The following FIG4 variants were observed in gnomAD, a reference collection of about 807,000 sequenced individuals.
FIG4 encodes the protein polyphosphoinositide phosphatase.
Under a neutral mutation model 118.6 loss-of-function variants are expected in FIG4, and 112 were observed. The ratio of observed to expected loss-of-function variants is 0.94; its 90% confidence interval spans 0.81 to 1.11. The LOEUF (loss-of-function observed/expected upper bound fraction) is 1.11. Among genes scored for constraint, FIG4 ranks in the 50% least tolerant of loss-of-function variants. The probability of loss-of-function intolerance (pLI) is 0.00; values close to 1 mark genes in which losing one functional copy is unlikely to be tolerated. For synonymous variants in FIG4, 369 were observed against 381.2 expected (o/e 0.97, Z 0.37); for missense variants, 969 against 1,111.7 (o/e 0.87, Z 1.83).
intron 16 of FIG4, among the ~76,000 whole-genome samples, chr6:109,779,103 G>A (rs1005982074): frequency 3.3e-5 from 5 of 151,986 alleles, no homozygotes; most frequent in African/African-American, 7.2e-5. Context: ...TTATTTACAT[G>A]AATTTTTGCT....
intron 18 of FIG4, 69 bp downstream of exon 18, chr6:109,786,518 T>G (rs1343703282): frequency 1.7e-5 from 26 of 1,558,468 alleles, no homozygotes; most frequent in Non-Finnish European, 2.2e-5. Flanking sequence ...TATATATATG[T>G]CTGTCTTTAC....
intron 15 of FIG4, 37 bp from the exon 16 acceptor site, chr6:109,776,885 G>A: frequency 6.6e-7 from 1 of 1,506,040 alleles, no homozygotes; most frequent in Non-Finnish European, 9.2e-7. Context: ...ATATCCATCA[G>A]TAATGGATTT....
chr6:109,696,727 G>A (rs1438387021), intron 1 of FIG4, among the ~76,000 whole-genome samples: 2 of 152,166 alleles, frequency 1.3e-5, no homozygotes, highest in Non-Finnish European at 2.9e-5. Context: ...GTGGTTATTC[G>A]AGGGTAGGAA....
In FIG4 at chr6:109,743,156, C is replaced by T. The variant is rs180689715; in HGVS notation, c.923C>T (p.Ala308Val). The T allele has an allele frequency of 2.5e-5, 41 of 1,612,916 alleles. No individual in the cohort carries two copies. In the East Asian group the frequency reaches 8.5e-4, roughly 33 times the overall value. ...EVETEQILCDASVMSFTAGSY... is the reference protein window; with the variant it reads ...EVETEQILCDVSVMSFTAGSY... ...GAGACTGAACAAATACTCTGCGATG[C>T]TTCTGTGATGTCTTTCACTGCAGGA... The change falls in exon 9 of 23, where the codon GCT becomes GTT. Residue 308 changes from alanine to valine, a missense_variant. Coordinates refer to ENST00000230124, the MANE Select transcript of FIG4 (RefSeq NM_014845.6).
At position 109,763,991 on chromosome 6, in the gene FIG4, A is replaced by C. The variant is rs745935495; in HGVS notation, c.1434+9A>C. 6.4e-7 allele frequency: 1 copy of C among 1,571,208 alleles called. No homozygotes were observed. The highest frequency in any genetic ancestry group is 2.2e-5 in the East Asian group (1 of 44,692). ...CCACTGGTCGCCTGCAGGTATACAC[A>C]GTATTACAATTCGTAATGAATAGAA... is the stretch of plus-strand genomic sequence containing the variant. On this transcript the variant is annotated intron_variant, in intron 13 of 22. Coordinates refer to ENST00000230124, the MANE Select transcript of FIG4 (RefSeq NM_014845.6).
rs1362404446 is a variant in FIG4, at chr6:109,735,011, T to C, written c.498-139T>C. ...ATATTTTGCTGTGTTTTACAGTGCTTATTTGAATAGCATTGCTTCCAAATA... is the reference window on the plus strand; with the variant it reads ...ATATTTTGCTGTGTTTTACAGTGCTCATTTGAATAGCATTGCTTCCAAATA... On this transcript the variant is annotated intron_variant, in intron 5 of 22. Coordinates refer to ENST00000230124, the MANE Select transcript of FIG4 (RefSeq NM_014845.6). 2.4e-5 allele frequency: 18 copies of C among 748,948 alleles called. No individual in the cohort carries two copies. The East Asian group carries it at 4.2e-4, about 17-fold the overall frequency. The allele number at this position is 748,948 out of a possible 1,614,324, so 46.4% of individuals were successfully genotyped here.
At position 109,825,340 on chromosome 6, in the gene FIG4, T is replaced by G. The variant is rs1779130634; in HGVS notation, c.*75T>G. The G allele has an allele frequency of 5.1e-6, 7 of 1,384,110 alleles. No homozygotes were observed. The highest frequency in any genetic ancestry group is 7.2e-6 in the Non-Finnish European group (7 of 976,800). The allele number at this position is 1,384,110 out of a possible 1,614,324, so 85.7% of individuals were successfully genotyped here. A position where few individuals can be genotyped will look rare whatever the true frequency, so the allele number is the denominator to read the frequency against. On this transcript the variant is annotated 3_prime_UTR_variant, in exon 23 of 23. Transcript: ENST00000230124. ...TCTTGTCTCATCTTCAAAAGGTAAC[T>G]TATTAAAAGTCCTTTGCGTCTGAAG...
At chr6:109,822,759 AAGTG>A (rs1779038561) in intron 22 of FIG4, among the ~76,000 whole-genome samples, 1 of 140,502 alleles carries the variant, frequency 7.1e-6, no homozygotes, top group Non-Finnish European at 1.5e-5. Flanking sequence ...GGGATGGTTG[AAGTG>A]TATATATATG....
At chr6:109,735,735 T>C (rs1209468117) in intron 6 of FIG4, among the ~76,000 whole-genome samples, 1 of 152,128 alleles carries the variant, frequency 6.6e-6, no homozygotes, top group African/African-American at 2.4e-5. Flanking sequence ...ACATGTAATA[T>C]CTCTAATCCT....
intron 1 of FIG4, among the ~76,000 whole-genome samples, chr6:109,713,167 A>G (rs781365547): frequency 4.6e-5 from 7 of 152,200 alleles, no homozygotes; most frequent in Non-Finnish European, 8.8e-5. Flanking sequence ...TGTCAGCCAA[A>G]GCATTTCATG....
At chr6:109,772,072 G>A (rs754956805) in intron 15 of FIG4, among the ~76,000 whole-genome samples, 15 of 152,084 alleles carry the variant, frequency 9.9e-5, no homozygotes, top group African/African-American at 1.7e-4. Flanking sequence ...CCATGACACC[G>A]AAACTGTACT....
intron 4 of FIG4, 113 bp downstream of exon 4, chr6:109,727,378 T>G: frequency 1.2e-6 from 1 of 838,726 alleles, no homozygotes; most frequent in Non-Finnish European, 2.0e-6. Flanking sequence ...AGCCTTGGCC[T>G]CCCAGGCTCA....
At chr6:109,787,554 C>T (rs1414831920) in intron 18 of FIG4, among the ~76,000 whole-genome samples, 1 of 152,172 alleles carries the variant, frequency 6.6e-6, no homozygotes, top group African/African-American at 2.4e-5. Flanking sequence ...TATAAACCCT[C>T]ACTTCACATC....
chr6:109,776,955 T>C lies in FIG4; in HGVS notation c.1784T>C (p.Leu595Pro). The C allele has an allele frequency of 6.2e-7, 1 of 1,613,630 alleles. No homozygotes were observed. Among genetic ancestry groups the C allele is most frequent in the Non-Finnish European group, 8.5e-7 (1 of 1,179,602 alleles). Residue 595 changes from leucine to proline, a missense_variant, in exon 16 of 23, where the codon CTG (leucine) becomes CCG (proline). Leu to Pro is a moderately conservative substitution (Grantham distance 98). Around this residue, in one of 3 missense-constraint regions of FIG4, gnomAD observed 246 missense variants for 354.3 expected, o/e 0.69. Transcript: ENST00000230124. Reference protein sequence around the residue: ...ADRQDSINLFLGVFHPTEGKP... With the variant: ...ADRQDSINLFPGVFHPTEGKP... ...AGACAAGATTCCATTAATCTCTTCCTGGGAGTTTTCCATCCCACTGAAGGG... is the reference window on the plus strand; with the variant it reads ...AGACAAGATTCCATTAATCTCTTCCCGGGAGTTTTCCATCCCACTGAAGGG...
In FIG4 at chr6:109,691,416, G is replaced by T. The variant is rs1305887778; in HGVS notation, c.-20G>T. 4 of 1,567,056 alleles carry T rather than the reference G, an allele frequency of 2.6e-6. No homozygotes were observed. The highest frequency in any genetic ancestry group is 3.5e-6 in the Non-Finnish European group (4 of 1,155,426). On this transcript the variant is annotated 5_prime_UTR_variant, in exon 1 of 23. Transcript: ENST00000230124. ...TCCGGAGGCTCGTGCCCTGTTGTGG[G>T]GCCCCCATTTGCCGCCGCCATGCCC... is the stretch of plus-strand genomic sequence containing the variant.
At chr6:109,762,238 A>G (rs779717164) in intron 12 of FIG4, 31 bp downstream of exon 12, 1 of 1,351,074 alleles carries the variant, frequency 7.4e-7, no homozygotes, top group South Asian at 1.2e-5. Context: ...CTTATAATAA[A>G]TGATGATTTT....
rs115148367 is a variant in FIG4 at position 109,788,664 on chromosome 6, C to T, written c.2097-930C>T. 4.2e-3 allele frequency among the ~76,000 whole-genome samples: 632 copies of T among 152,274 alleles called. 3 individuals are homozygous for T. The highest frequency in any genetic ancestry group is 0.014 in the African/African-American group (577 of 41,566). ...CAAACATGGAATGTGCAAATGAAAA[C>T]GATCAATTGTGTATGTTCAAAAAGA... On this transcript the variant is annotated intron_variant, in intron 18 of 22. Transcript: ENST00000230124.
intron 22 of FIG4, among the ~76,000 whole-genome samples, chr6:109,804,038 A>G (rs1218541829): frequency 1.3e-5 from 2 of 152,164 alleles, no homozygotes; most frequent in East Asian, 3.8e-4. Context: ...GTCAGATTAA[A>G]GGGAAAACAT....
intron 1 of FIG4, among the ~76,000 whole-genome samples, chr6:109,704,982 C>G (rs1344098776): frequency 6.6e-6 from 1 of 152,050 alleles, no homozygotes; most frequent in Non-Finnish European, 1.5e-5. Flanking sequence ...AAGCATCTAT[C>G]AGGAGTGGGG....
Sources: allele counts gnomAD v4.1 joint callset (sites outside exome capture counted in the v4.1 genomes callset), GRCh38; gene constraint gnomAD v4.1.1; regional missense constraint gnomAD v4.1.1; transcripts MANE v1.5; gene names NCBI Gene and HGNC (gene_info 2026-07-23, HGNC 2026-07-21).